Variants in MROH7 observed in about 807,000 individuals in gnomAD.
The protein encoded by MROH7 is maestro heat-like repeat-containing protein family member 7.
In MROH7, 113 loss-of-function variants were observed where a neutral mutation model predicts 129.2. That is an observed-to-expected ratio of 0.87 (90% confidence interval 0.75 to 1.02). The LOEUF (loss-of-function observed/expected upper bound fraction) is 1.02. Among genes scored for constraint, MROH7 ranks in the 50% least tolerant of loss-of-function variants. The probability of loss-of-function intolerance (pLI) is 0.00; values close to 1 mark genes in which losing one functional copy is unlikely to be tolerated. For missense variants in MROH7, 1,601 were observed against 1,671.3 expected (o/e 0.96, Z 0.73); for synonymous variants, 655 against 667.9 (o/e 0.98, Z 0.30).
intron 5 of MROH7, among the ~76,000 whole-genome samples, chr1:54,669,601 T>C (rs966344235): frequency 6.6e-6 from 1 of 152,186 alleles, no homozygotes; most frequent in African/African-American, 2.4e-5. Flanking sequence ...TATGGCCCAC[T>C]GCAGCATCAA....
In MROH7 at chr1:54,672,345, A is replaced by G. The variant is rs538930557; in HGVS notation, c.1600-746A>G. The stretch of plus-strand genomic sequence containing the variant: ...GTGTGTGCAGACTCAGGGAGTCTAG[A>G]CAATAACAACCTAGGAGGCACACTT... On this transcript the variant is annotated intron_variant, in intron 7 of 23. Transcript: ENST00000421030. Among the ~76,000 whole-genome samples, 3 of 152,110 alleles carry G rather than the reference A, an allele frequency of 2.0e-5. No homozygotes were observed. The East Asian group carries it at 5.8e-4, about 29-fold the overall frequency.
rs1366990908 is a variant in MROH7, at chr1:54,653,288, T to C, written c.362T>C (p.Leu121Pro). The C allele has an allele frequency of 6.2e-7, 1 of 1,614,158 alleles. No homozygotes were observed. Among genetic ancestry groups the C allele is most frequent in the Non-Finnish European group, 8.5e-7 (1 of 1,180,024 alleles). ...TCAAGGCCTGACTCACAGGGGCGCC[T>C]CTGTCCAGCCTCAAACCCCATTCTG... ...DVSRPDSQGR[L>P]CPASNPILSP... Residue 121 changes from leucine (L) to proline (P), a missense_variant, in exon 3 of 24, where the codon CTC (leucine) becomes CCC (proline). Coordinates refer to ENST00000421030, the MANE Select transcript of MROH7 (RefSeq NM_001039464.4).
Position 54,678,832 on chromosome 1 carries a change from A to G in MROH7, c.2027A>G (p.Gln676Arg), listed in dbSNP as rs202143021. The G allele has an allele frequency of 1.0e-4, 165 of 1,613,902 alleles. No individual in the cohort carries two copies. In the African/African-American group the frequency reaches 2.0e-3, roughly 20 times the overall value. ...LGPYNPVSPCQNILRVIEEFG... is the reference protein window; with the variant it reads ...LGPYNPVSPCRNILRVIEEFG... ...CCCTACAACCCTGTGAGCCCGTGCC[A>G]GAACATTCTGCGGGTGATCGAGGTG... is the stretch of plus-strand genomic sequence containing the variant. Residue 676 changes from glutamine (Q) to arginine (R), a missense_variant, in exon 11 of 24, where the codon CAG becomes CGG. Physicochemically the swap from Gln to Arg is conservative, Grantham distance 43. Coordinates refer to ENST00000421030, the MANE Select transcript of MROH7 (RefSeq NM_001039464.4).
At position 54,701,244 on chromosome 1, in the gene MROH7, C is replaced by T; in HGVS notation, c.3207C>T (p.Phe1069=). 6.2e-7 allele frequency: 1 copy of T among 1,614,114 alleles called. No homozygotes were observed. The highest frequency in any genetic ancestry group is 8.5e-7 in the Non-Finnish European group (1 of 1,179,962). ...VEAVHNLKAV[F]KGRDQKLMDS... is the part of the protein sequence containing the mutation. ...CGGTCCACAACCTCAAGGCTGTCTTCAAGGGGCGGGACCAGAAGCTGATGG... is the reference window on the plus strand; with the variant it reads ...CGGTCCACAACCTCAAGGCTGTCTTTAAGGGGCGGGACCAGAAGCTGATGG... Residue 1069 remains phenylalanine, a synonymous_variant, in exon 19 of 24, where the codon TTC becomes TTT. Coordinates refer to ENST00000421030, the MANE Select transcript of MROH7 (RefSeq NM_001039464.4).
chr1:54,653,148 C>A lies in MROH7; in HGVS notation c.222C>A (p.Gly74=). The change falls in exon 3 of 24, where the codon GGC becomes GGA. Residue 74 remains glycine, a synonymous_variant. Transcript: ENST00000421030. ...SLSPVSGEAS[G]LVSENTPRPD... is the part of the protein sequence containing the mutation. ...GTCCAGTCTCAGGGGAGGCCTCAGG[C>A]CTGGTGTCTGAAAACACCCCCAGAC... The A allele has an allele frequency of 1.2e-6, 2 of 1,614,180 alleles. No individual in the cohort carries two copies. Among genetic ancestry groups the A allele is most frequent in the African/African-American group, 1.3e-5 (1 of 75,052 alleles).
At chr1:54,690,453 C>CTTT (rs767848151) in intron 15 of MROH7, among the ~76,000 whole-genome samples, 8 of 143,776 alleles carry the variant, frequency 5.6e-5, no homozygotes, top group South Asian at 4.4e-4. Context: ...TTTTTTTTTC[C>CTTT]TTTTTTTTTT....
intron 4 of MROH7, among the ~76,000 whole-genome samples, chr1:54,666,987 A>G (rs1056614906): frequency 1.3e-5 from 2 of 152,194 alleles, no homozygotes; most frequent in Non-Finnish European, 2.9e-5. Context: ...TCTTCAATTC[A>G]GTGTGTCCAA....
At chr1:54,649,496 C>A (rs1644523134) in intron 1 of MROH7, among the ~76,000 whole-genome samples, 1 of 152,258 alleles carries the variant, frequency 6.6e-6, no homozygotes, top group Non-Finnish European at 1.5e-5. Flanking sequence ...TGCCAGGCAG[C>A]TCTGAAGACT....
At chr1:54,685,129 G>C (rs1428611081) in intron 14 of MROH7, among the ~76,000 whole-genome samples, 1 of 151,846 alleles carries the variant, frequency 6.6e-6, no homozygotes, top group Non-Finnish European at 1.5e-5. Context: ...TGATTCTCAT[G>C]CCTCAGCTTC....
At chr1:54,658,449 C>T (rs529500088) in intron 3 of MROH7, among the ~76,000 whole-genome samples, 1 of 152,222 alleles carries the variant, frequency 6.6e-6, no homozygotes, top group East Asian at 1.9e-4. Context: ...ATTGTTTTGG[C>T]TATCAGGGCC....
intron 15 of MROH7, among the ~76,000 whole-genome samples, chr1:54,691,777 G>C (rs1408551165): frequency 7.0e-6 from 1 of 143,598 alleles, no homozygotes; most frequent in African/African-American, 2.7e-5. Flanking sequence ...TTGCACTCCA[G>C]CCTGGCGACA....
rs890817308 is a variant in MROH7 at position 54,670,949 on chromosome 1, G to A, written c.1599+20G>A. 2.5e-6 allele frequency: 4 copies of A among 1,581,408 alleles called. No individual in the cohort carries two copies. Among genetic ancestry groups the A allele is most frequent in the Non-Finnish European group, 2.6e-6 (3 of 1,164,290 alleles). On this transcript the variant is annotated intron_variant, in intron 7 of 23. Coordinates refer to ENST00000421030, the MANE Select transcript of MROH7 (RefSeq NM_001039464.4). ...ATCCAGGTGAGGCGGGACCTTCCCAGCAGGGCCTCAGGGCTGGCCCATGTT... is the reference window on the plus strand; with the variant it reads ...ATCCAGGTGAGGCGGGACCTTCCCAACAGGGCCTCAGGGCTGGCCCATGTT...
chr1:54,670,906 G>T lies in MROH7; in HGVS notation c.1576G>T (p.Glu526Ter). Reference sequence around the variant, plus strand: ...CGTGCAGGCGATGCAGGAGAAGGACGAGGCCAAGGCTGAGACCATCCAGGT... The same window carrying T: ...CGTGCAGGCGATGCAGGAGAAGGACTAGGCCAAGGCTGAGACCATCCAGGT... ...PSVQAMQEKDEAKAETIQALY... is the reference protein window; with the variant it reads ...PSVQAMQEKD Residue 526 changes from glutamate to a stop codon, truncating the protein, a stop_gained, in exon 7 of 24, where the codon GAG becomes TAG. Transcript: ENST00000421030. LOFTEE classifies it high-confidence loss of function. 6.2e-7 allele frequency: 1 copy of T among 1,608,376 alleles called. No homozygotes were observed. The highest frequency in any genetic ancestry group is 1.3e-5 in the African/African-American group (1 of 74,968).
rs1645147280 is a variant in MROH7, at chr1:54,686,362, C to T, written c.2625C>T (p.Tyr875=). 1 of 1,614,082 alleles carries T rather than the reference C, an allele frequency of 6.2e-7. No homozygotes were observed. Among genetic ancestry groups the T allele is most frequent in the African/African-American group, 1.3e-5 (1 of 74,926 alleles). ...LLLALLIQVH[Y]HIGLNLPGCV... ...TGGCCCTGCTCATTCAGGTCCATTA[C>T]CACATCGGCCTCAACCTGCCTGGCT... The change falls in exon 15 of 24, where the codon TAC becomes TAT. Residue 875 remains tyrosine (Y), a synonymous_variant. Transcript: ENST00000421030.
At chr1:54,668,805 G>A (rs770374882) in intron 4 of MROH7, 49 bp from the exon 5 acceptor site, 1 of 1,452,824 alleles carries the variant, frequency 6.9e-7, no homozygotes, top group Non-Finnish European at 9.7e-7. Flanking sequence ...CTGAGGACTG[G>A]GCTCAGTGGG....
chr1:54,686,340 C>T lies in MROH7; in HGVS notation c.2603C>T (p.Ala868Val), dbSNP rs1401708550. The stretch of plus-strand genomic sequence containing the variant: ...CGCATCTACCCTCAGCTGCTCCTGG[C>T]CCTGCTCATTCAGGTCCATTACCAC... ...VRRIYPQLLL[A>V]LLIQVHYHIG... Residue 868 changes from alanine to valine, a missense_variant, in exon 15 of 24, where the codon GCC becomes GTC. Ala to Val is a moderately conservative substitution (Grantham distance 64). Transcript: ENST00000421030. 3.1e-6 allele frequency: 5 copies of T among 1,614,140 alleles called. No homozygotes were observed. In the South Asian group the frequency reaches 4.4e-5, roughly 14 times the overall value.
chr1:54,672,179 G>A (rs1294014853), intron 7 of MROH7, among the ~76,000 whole-genome samples: 2 of 151,970 alleles, frequency 1.3e-5, no homozygotes, highest in African/African-American at 2.4e-5. Context: ...AAAGGAGGCC[G>A]CCCTCTTGTA....
At chr1:54,693,713 A>G (rs72905826) in intron 16 of MROH7, among the ~76,000 whole-genome samples, 2,322 of 152,164 alleles carry the variant, frequency 0.015, 52 homozygotes, top group African/African-American at 0.054. Flanking sequence ...TCCTGCAGGA[A>G]AGCCTGCATC....
In MROH7 at chr1:54,670,937, G is replaced by T; in HGVS notation, c.1599+8G>T. On this transcript the variant is annotated splice_region_variant and intron_variant, in intron 7 of 23. Transcript: ENST00000421030. ...AAGGCTGAGACCATCCAGGTGAGGCGGGACCTTCCCAGCAGGGCCTCAGGG... is the reference window on the plus strand; with the variant it reads ...AAGGCTGAGACCATCCAGGTGAGGCTGGACCTTCCCAGCAGGGCCTCAGGG... 3 of 1,593,560 alleles carry T rather than the reference G, an allele frequency of 1.9e-6. No individual in the cohort carries two copies. The highest frequency in any genetic ancestry group is 2.3e-5 in the East Asian group (1 of 44,038).
Sources: allele counts gnomAD v4.1 joint callset (sites outside exome capture counted in the v4.1 genomes callset), GRCh38; gene constraint gnomAD v4.1.1; transcripts MANE v1.5; gene names NCBI Gene and HGNC (gene_info 2026-07-23, HGNC 2026-07-21).